ZNF418: variants seen among roughly 807,000 people sequenced by gnomAD.
The protein encoded by ZNF418 is zinc finger protein 418.
A neutral mutation model predicts 32.0 loss-of-function variants in ZNF418; 32 were observed. That is an observed-to-expected ratio of 1.00 (90% CI 0.75 to 1.34). ZNF418 has a LOEUF of 1.34. Among genes scored for constraint, ZNF418 ranks in the 40% most tolerant of loss-of-function variants. The pLI is 0.00. For synonymous variants in ZNF418, 276 were observed against 270.7 expected, an observed-to-expected ratio of 1.02 and a Z score of -0.19; for missense variants, 804 against 812.5, an observed-to-expected ratio of 0.99 and a Z score of 0.13.
At chr19:57,931,539 C>T (rs8101535) in intron 2 of ZNF418, among the ~76,000 whole-genome samples, 43,397 of 151,994 alleles carry the variant, frequency 0.29, 6,368 homozygotes, top group Non-Finnish European at 0.31. Context: ...GCACATGTCA[C>T]GGCCAGCCCA....
rs781101686 is a variant in ZNF418 at position 57,926,459 on chromosome 19, G to A, written c.1722C>T (p.Phe574=). 5 of 1,613,730 alleles carry A rather than the reference G, an allele frequency of 3.1e-6. No individual in the cohort carries two copies. The highest frequency in any genetic ancestry group is 2.2e-5 in the East Asian group (1 of 44,816). The change falls in exon 4 of 6, where the codon TTC becomes TTT. Residue 574 remains phenylalanine, a synonymous_variant. Transcript: ENST00000396147. ...TCCTGTGTTCAAGGAGACTGGAGAA[G>A]AATTTCCCACATTCTCTGCACTCAT... ...RPYECRECGK[F]FSSLLEHRRV... is the part of the protein sequence containing the mutation.
intron 2 of ZNF418, among the ~76,000 whole-genome samples, chr19:57,933,471 C>T (rs1351647389): frequency 3.3e-5 from 5 of 152,160 alleles, no homozygotes; most frequent in Non-Finnish European, 7.3e-5. Context: ...GCCTGTAATC[C>T]CAGCACTTTG....
intron 4 of ZNF418, among the ~76,000 whole-genome samples, chr19:57,923,565 C>CACACACAT (rs2072092479): frequency 8.1e-6 from 1 of 123,224 alleles, no homozygotes; most frequent in African/African-American, 2.8e-5. Flanking sequence ...CACACACACA[C>CACACACAT]ATATATACAC....
chr19:57,935,256 C>A lies in ZNF418; in HGVS notation c.-176G>T. ...GCGCCGTTACGGGGCCTAAGATCTG[C>A]CTCTGTGCAGCAAGAAGGACTCTTC... On this transcript the variant is annotated 5_prime_UTR_variant, in exon 1 of 6. Transcript: ENST00000396147. 2 of 1,190,316 alleles carry A rather than the reference C, an allele frequency of 1.7e-6. No homozygotes were observed. Among genetic ancestry groups the A allele is most frequent in the Non-Finnish European group, 1.1e-6 (1 of 945,232 alleles). The allele number at this position is 1,190,316 out of a possible 1,614,324, so 73.7% of individuals were successfully genotyped here. A position where few individuals can be genotyped will look rare whatever the true frequency, so the allele number is the denominator to read the frequency against.
intron 1 of ZNF418, 189 bp downstream of exon 1, chr19:57,934,972 G>T: frequency 1.4e-6 from 2 of 1,405,138 alleles, no homozygotes; most frequent in East Asian, 3.3e-5. Context: ...CATAGCCCGC[G>T]CCGGTCCCTG....
Position 57,927,156 on chromosome 19 carries a change from T to C in ZNF418, c.1025A>G (p.Tyr342Cys). 1.2e-6 allele frequency: 2 copies of C among 1,614,150 alleles called. No homozygotes were observed. The highest frequency in any genetic ancestry group is 2.2e-5 in the East Asian group (1 of 44,874). ...HQRVHTGERPYECEECGKCFT... is the reference protein window; with the variant it reads ...HQRVHTGERPCECEECGKCFT... ...ACATTTCCCACATTCTTCACACTCATAAGGTCTTTCTCCAGTGTGAACTCG... is the reference window on the plus strand; with the variant it reads ...ACATTTCCCACATTCTTCACACTCACAAGGTCTTTCTCCAGTGTGAACTCG... Residue 342 changes from tyrosine to cysteine, a missense_variant, in exon 4 of 6, where the codon TAT (tyrosine) becomes TGT (cysteine). By Grantham distance (194) the Tyr-to-Cys change is radical. This residue lies in a region of ZNF418 where 475 missense variants were observed against 458.6 expected (regional missense o/e 1.04). Coordinates refer to ENST00000396147, the MANE Select transcript of ZNF418 (RefSeq NM_133460.3).
chr19:57,924,400 C>T (rs1325676144), intron 4 of ZNF418, among the ~76,000 whole-genome samples: 1 of 152,090 alleles, frequency 6.6e-6, no homozygotes, highest in Non-Finnish European at 1.5e-5. Flanking sequence ...GGTGAACAGC[C>T]GAGAAAGGGT....
intron 3 of ZNF418, among the ~76,000 whole-genome samples, chr19:57,928,886 C>T (rs371048763): frequency 6.6e-6 from 1 of 151,848 alleles, no homozygotes; most frequent in Admixed American, 6.6e-5. Context: ...CTCAGCTACT[C>T]GGGAGGCTGA....
chr19:57,924,381 T>C (rs1270889911), intron 4 of ZNF418, among the ~76,000 whole-genome samples: 1 of 152,134 alleles, frequency 6.6e-6, no homozygotes, highest in Non-Finnish European at 1.5e-5. Flanking sequence ...AATGCAGGAA[T>C]TGCCTTGAGG....
At chr19:57,930,725 G>A (rs1281366597) in intron 2 of ZNF418, among the ~76,000 whole-genome samples, 171 bp from the exon 3 acceptor site, 1 of 152,108 alleles carries the variant, frequency 6.6e-6, no homozygotes. Context: ...TGGTCACTCA[G>A]TATAGCCATC....
At position 57,926,303 on chromosome 19, in the gene ZNF418, T is replaced by C; in HGVS notation, c.1878A>G (p.Lys626=). 6.2e-7 allele frequency: 1 copy of C among 1,612,218 alleles called. No individual in the cohort carries two copies. The highest frequency in any genetic ancestry group is 1.1e-5 in the South Asian group (1 of 91,042). The stretch of plus-strand genomic sequence containing the variant: ...TAAGACTGAAGGTTTCAGCAAAGGA[T>C]TTCCCACATTCGCTGCACTCGTAAG... ...GKPYECSECG[K]SFAETFSLTE... The change falls in exon 4 of 6, where the codon AAA becomes AAG. Residue 626 remains lysine, a synonymous_variant. Transcript: ENST00000396147.
At chr19:57,923,529 TATATATACATAC>T (rs1017497792) in intron 4 of ZNF418, among the ~76,000 whole-genome samples, 8 of 126,280 alleles carry the variant, frequency 6.3e-5, no homozygotes, top group African/African-American at 1.4e-4. Flanking sequence ...CATATATACA[TATATATACATAC>T]ACACACACAC....
chr19:57,923,500 A>G (rs2072080968), intron 4 of ZNF418, among the ~76,000 whole-genome samples: 1 of 150,288 alleles, frequency 6.7e-6, no homozygotes, highest in Admixed American at 6.7e-5. Flanking sequence ...GTATATACAT[A>G]TATACACACA....
Position 57,926,667 on chromosome 19 carries a change from G to A in ZNF418, c.1514C>T (p.Thr505Ile), listed in dbSNP as rs374428351. ...SGFRVHQRVH[T>I]GEKPFECSEC... ...ACTACACTCAAACGGTTTTTCTCCA[G>A]TGTGAACTCTCTGATGAACACGAAA... Residue 505 changes from threonine to isoleucine, a missense_variant, in exon 4 of 6, where the codon ACT (threonine) becomes ATT (isoleucine). This residue lies in a region of ZNF418 where 475 missense variants were observed against 458.6 expected (regional missense o/e 1.04). Transcript: ENST00000396147. The A allele has an allele frequency of 3.1e-6, 5 of 1,614,040 alleles. No individual in the cohort carries two copies. The highest frequency in any genetic ancestry group is 2.7e-5 in the African/African-American group (2 of 74,900).
chr19:57,926,153 C>T lies in ZNF418; in HGVS notation c.2028G>A (p.Lys676=), dbSNP rs368468593. The change falls in exon 4 of 6, where the codon AAG becomes AAA. Residue 676 remains lysine, a synonymous_variant. Coordinates refer to ENST00000396147, the MANE Select transcript of ZNF418 (RefSeq NM_133460.3). ...QRVHTERSPY[K] ...AAAGAATTTCCCAAATTTCTTTTCA[C>T]TTGTAAGGACTTCTTTCTGTGTGAA... is the stretch of plus-strand genomic sequence containing the variant. 3.7e-6 allele frequency: 6 copies of T among 1,605,638 alleles called. No homozygotes were observed. The Admixed American group carries it at 6.8e-5, about 18-fold the overall frequency.
Position 57,927,363 on chromosome 19 carries a change from A to C in ZNF418, c.818T>G (p.Leu273Arg), listed in dbSNP as rs1466418165. The change falls in exon 4 of 6, where the codon CTT becomes CGT. Residue 273 changes from leucine (L) to arginine (R), a missense_variant. Leu to Arg is a moderately radical substitution (Grantham distance 102, BLOSUM62 -2). Around this residue, in one of 3 missense-constraint regions of ZNF418, gnomAD observed 22 missense variants for 49.0 expected, o/e 0.45. Transcript: ENST00000396147. ...AGTGTGAACTCGCTGATGCTGAACA[A>C]GGCTGCCCTTATGACTAAAAGATTT... ...CGKSFSHKGS[L>R]VQHQRVHTGK... 1 of 1,614,054 alleles carries C rather than the reference A, an allele frequency of 6.2e-7. No individual in the cohort carries two copies. Among genetic ancestry groups the C allele is most frequent in the African/African-American group, 1.3e-5 (1 of 74,884 alleles).
rs778724291 is a variant in ZNF418, at chr19:57,927,049, A to G, written c.1132T>C (p.Cys378Arg). The G allele has an allele frequency of 6.2e-7, 1 of 1,613,902 alleles. No homozygotes were observed. Among genetic ancestry groups the G allele is most frequent in the African/African-American group, 1.3e-5 (1 of 74,908 alleles). The change falls in exon 4 of 6, where the codon TGT becomes CGT. Residue 378 changes from cysteine (C) to arginine (R), a missense_variant. Cys to Arg is a radical substitution (Grantham distance 180, BLOSUM62 -3). Transcript: ENST00000396147. Reference sequence around the variant, plus strand: ...GTTAGGGTGCCCTTTTGACTAAAACATTTTCCACATTCTTCACACTCATAA... The same window carrying G: ...GTTAGGGTGCCCTTTTGACTAAAACGTTTTCCACATTCTTCACACTCATAA... ...RPYECEECGKCFSQKGTLTEH... is the reference protein window; with the variant it reads ...RPYECEECGKRFSQKGTLTEH...
In ZNF418 at chr19:57,927,032, G is replaced by A. The variant is rs918242255; in HGVS notation, c.1149C>T (p.Gly383=). The change falls in exon 4 of 6, where the codon GGC becomes GGT. Residue 383 remains glycine, a synonymous_variant. Coordinates refer to ENST00000396147, the MANE Select transcript of ZNF418 (RefSeq NM_133460.3). ...EECGKCFSQK[G]TLTEHHRVHT... Reference sequence around the variant, plus strand: ...GAACTCGATGATGTTCAGTTAGGGTGCCCTTTTGACTAAAACATTTTCCAC... The same window carrying A: ...GAACTCGATGATGTTCAGTTAGGGTACCCTTTTGACTAAAACATTTTCCAC... 6.2e-7 allele frequency: 1 copy of A among 1,613,900 alleles called. No individual in the cohort carries two copies. The highest frequency in any genetic ancestry group is 8.5e-7 in the Non-Finnish European group (1 of 1,179,986).
In ZNF418 at chr19:57,927,236, C is replaced by G. The variant is rs558473932; in HGVS notation, c.945G>C (p.Glu315Asp). ...TAAAAGATTTCCCACATTCTCCACA[C>G]TCATAAGGTCTTTCTCCAGTATGAA... ...QRVHTGERPY[E>D]CGECGKSFSQ... The change falls in exon 4 of 6, where the codon GAG becomes GAC. Residue 315 changes from glutamate (E) to aspartate (D), a missense_variant. By Grantham distance (45) the Glu-to-Asp change is conservative. Transcript: ENST00000396147. 3 of 1,613,842 alleles carry G rather than the reference C, an allele frequency of 1.9e-6. No individual in the cohort carries two copies. In the East Asian group the frequency reaches 6.7e-5, roughly 36 times the overall value.
Sources: gnomAD v4.1 joint callset for allele counts (sites outside exome capture counted in the v4.1 genomes callset) on GRCh38, gnomAD v4.1.1 for gene constraint, gnomAD v4.1.1 regional missense constraint, MANE v1.5 for transcripts, NCBI Gene and HGNC (gene_info 2026-07-23, HGNC 2026-07-21) for gene names.